PHTF1: variants seen among roughly 807,000 people sequenced by gnomAD.
The protein encoded by PHTF1 is putative homeodomain transcription factor 1, also known as protein PHTF1.
A neutral mutation model predicts 102.4 loss-of-function variants in PHTF1; 88 were observed. The observed-to-expected ratio is 0.86, with a 90% confidence interval of 0.72 to 1.03. The LOEUF is 1.03. PHTF1 is among the 50% of genes least tolerant of loss of function. The pLI is 0.00. For missense variants in PHTF1, 814 were observed against 909.5 expected, an observed-to-expected ratio of 0.89 and a Z score of 1.35; for synonymous variants, 289 against 305.2, an observed-to-expected ratio of 0.95 and a Z score of 0.55.
intron 7 of PHTF1, among the ~76,000 whole-genome samples, chr1:113,717,073 GA>G (rs2101274239): frequency 6.6e-6 from 1 of 152,198 alleles, no homozygotes; most frequent in African/African-American, 2.4e-5. Flanking sequence ...GGGACAGAGT[GA>G]AAGTGTACAG....
chr1:113,699,716 GGT>G lies in PHTF1; in HGVS notation c.2128_2129del (p.Thr710GlnfsTer11). On this transcript the variant is annotated frameshift_variant, in exon 17 of 19. Coordinates refer to ENST00000369604, the MANE Select transcript of PHTF1 (RefSeq NM_001323043.2). LOFTEE classifies it high-confidence loss of function. ...GCCTATGACTTACTTTCAACAACTT[GGT>G]GGACAGCTTTAATACATTGTTTACT... is the stretch of plus-strand genomic sequence containing the variant. ...TLVNNVLKLS[T>X]KLLKELDTPF... 2.8e-6 allele frequency: 4 copies of G among 1,415,718 alleles called. No individual in the cohort carries two copies. The highest frequency in any genetic ancestry group is 4.0e-6 in the Non-Finnish European group (4 of 1,011,814). The allele number at this position is 1,415,718 out of a possible 1,614,324, so 87.7% of individuals were successfully genotyped here. A position where few individuals can be genotyped will look rare whatever the true frequency, so the allele number is the denominator to read the frequency against.
intron 13 of PHTF1, 179 bp downstream of exon 13, chr1:113,705,711 G>A (rs1014579031): frequency 2.2e-5 from 13 of 590,232 alleles, no homozygotes; most frequent in African/African-American, 1.9e-4. Context: ...AGATTACAAC[G>A]TGTAATATGT....
intron 17 of PHTF1, chr1:113,699,333 C>A: frequency 2.8e-6 from 1 of 353,628 alleles, no homozygotes; most frequent in South Asian, 2.5e-5. Context: ...TGGCTACCTC[C>A]TTGGAGCACT....
chr1:113,758,572 C>T (rs1239457539), intron 2 of PHTF1, 87 bp downstream of exon 2: 4 of 622,228 alleles, frequency 6.4e-6, no homozygotes, highest in Non-Finnish European at 1.0e-5. Flanking sequence ...CACTACTAAA[C>T]TCGGGGGAAA....
At chr1:113,732,981 C>T (rs1416655340) in intron 5 of PHTF1, among the ~76,000 whole-genome samples, 3 of 151,060 alleles carry the variant, frequency 2.0e-5, no homozygotes, top group South Asian at 2.1e-4. Context: ...ACTGTAACTT[C>T]GAACTCCTGG....
At chr1:113,736,922 C>A (rs1448641283) in intron 5 of PHTF1, among the ~76,000 whole-genome samples, 2 of 152,190 alleles carry the variant, frequency 1.3e-5, no homozygotes, top group African/African-American at 4.8e-5. Context: ...CTAAGGTCAA[C>A]AGAAGTCACT....
intron 11 of PHTF1, 31 bp downstream of exon 11, chr1:113,710,223 T>C: frequency 6.8e-7 from 1 of 1,481,292 alleles, no homozygotes; most frequent in Non-Finnish European, 9.4e-7. Flanking sequence ...ACACAATAAA[T>C]ACTAGCTATT....
At chr1:113,712,142 G>A in intron 8 of PHTF1, 29 bp from the exon 9 acceptor site, 4 of 1,585,548 alleles carry the variant, frequency 2.5e-6, no homozygotes, top group Non-Finnish European at 3.5e-6. Context: ...TACCTTCACA[G>A]GGGACAGCCC....
intron 3 of PHTF1, among the ~76,000 whole-genome samples, chr1:113,756,733 C>A (rs913510108): frequency 6.6e-6 from 1 of 152,140 alleles, no homozygotes; most frequent in Non-Finnish European, 1.5e-5. Context: ...GATAATTTAA[C>A]CCTCTCCTCC....
chr1:113,698,140 T>C (rs1648990850), intron 18 of PHTF1, 122 bp downstream of exon 18: 2 of 732,314 alleles, frequency 2.7e-6, no homozygotes, highest in Admixed American at 3.2e-5. Context: ...CAAGAGTTAT[T>C]TGCATGCTAG....
At chr1:113,755,575 T>C (rs933246291) in intron 3 of PHTF1, among the ~76,000 whole-genome samples, 5 of 152,168 alleles carry the variant, frequency 3.3e-5, no homozygotes, top group East Asian at 1.9e-4. Context: ...GTAAAAAATA[T>C]GCATGATGGA....
intron 7 of PHTF1, among the ~76,000 whole-genome samples, chr1:113,716,449 ATCT>A (rs1380229882): frequency 7.0e-6 from 1 of 143,002 alleles, no homozygotes; most frequent in Non-Finnish European, 1.5e-5. Context: ...GGCTCAGGCG[ATCT>A]TCTTGTCTCA....
In PHTF1 at chr1:113,697,708, T is replaced by C. The variant is rs1571062026; in HGVS notation, c.2286A>G (p.Ser762=). Residue 762 remains serine (S), a synonymous_variant, in exon 19 of 19, where the codon TCA becomes TCG. Transcript: ENST00000369604. ...GFNIRLWKIK[S] is the part of the protein sequence containing the mutation. Reference sequence around the variant, plus strand: ...AGAGTCCAGGCATTTACTCAGCTTATGATTTAATTTTCCACAGCTAAGAGA... The same window carrying C: ...AGAGTCCAGGCATTTACTCAGCTTACGATTTAATTTTCCACAGCTAAGAGA... The C allele has an allele frequency of 4.4e-6, 7 of 1,604,896 alleles. No individual in the cohort carries two copies. The East Asian group carries it at 1.3e-4, about 31-fold the overall frequency.
intron 3 of PHTF1, among the ~76,000 whole-genome samples, chr1:113,753,679 C>T (rs902131927): frequency 1.3e-5 from 2 of 151,990 alleles, no homozygotes; most frequent in Middle Eastern, 3.4e-3. Flanking sequence ...CTGCCTGCCT[C>T]GGCCTCCCTG....
intron 3 of PHTF1, 114 bp from the exon 4 acceptor site, chr1:113,738,913 G>C: frequency 1.6e-6 from 1 of 623,628 alleles, no homozygotes; most frequent in Non-Finnish European, 2.7e-6. Context: ...GTGCAATGGC[G>C]TGATCTCGGC....
rs1650672492 is a variant in PHTF1 at position 113,709,166 on chromosome 1, G to GT, written c.1269+1087dup. ...TGGGAGGATCACTTGAGCTGGAGAG[G>GT]TTAAGGCTGCCGTGAGTCATGATTG... On this transcript the variant is annotated intron_variant, in intron 11 of 18. Coordinates refer to ENST00000369604, the MANE Select transcript of PHTF1 (RefSeq NM_001323043.2). Among the ~76,000 whole-genome samples the GT allele has an allele frequency of 2.0e-5, 3 of 152,162 alleles. No individual in the cohort carries two copies. The South Asian group carries it at 6.2e-4, about 32-fold the overall frequency.
chr1:113,738,064 G>C, intron 5 of PHTF1, 46 bp downstream of exon 5: 1 of 1,349,058 alleles, frequency 7.4e-7, no homozygotes, highest in Non-Finnish European at 1.0e-6. Context: ...AATAGCAAAA[G>C]CAGCAAAAAG....
At chr1:113,748,445 T>C (rs905654514) in intron 3 of PHTF1, among the ~76,000 whole-genome samples, 2 of 152,198 alleles carry the variant, frequency 1.3e-5, no homozygotes, top group African/African-American at 2.4e-5. Flanking sequence ...CTATTTTCTT[T>C]TTTGTTGTTC....
At position 113,759,150 on chromosome 1, in the gene PHTF1, G is replaced by A; in HGVS notation, c.-158C>T. 1.1e-6 allele frequency: 1 copy of A among 922,394 alleles called. No individual in the cohort carries two copies. The highest frequency in any genetic ancestry group is 4.9e-5 in the South Asian group (1 of 20,312). The allele number at this position is 922,394 out of a possible 1,614,324, so 57.1% of individuals were successfully genotyped here. On this transcript the variant is annotated 5_prime_UTR_variant, in exon 1 of 19. Coordinates refer to ENST00000369604, the MANE Select transcript of PHTF1 (RefSeq NM_001323043.2). Reference sequence around the variant, plus strand: ...ATCTTCCCCTCCAGGCGGAGACGCCGGAGAGGCCGTTACCATGGAGACCGC... The same window carrying A: ...ATCTTCCCCTCCAGGCGGAGACGCCAGAGAGGCCGTTACCATGGAGACCGC...
Sources: gnomAD v4.1 joint callset for allele counts (sites outside exome capture counted in the v4.1 genomes callset) on GRCh38, gnomAD v4.1.1 for gene constraint, MANE v1.5 for transcripts, NCBI Gene and HGNC (gene_info 2026-07-23, HGNC 2026-07-21) for gene names.